LIMCH1: variants seen among roughly 807,000 people sequenced by gnomAD.
LIMCH1 encodes LIM and calponin homology domains 1, also known as LIM and calponin homology domains-containing protein 1.
Under a neutral mutation model 176.5 loss-of-function variants are expected in LIMCH1, and 113 were observed. The ratio of observed to expected loss-of-function variants is 0.64; its 90% CI spans 0.55 to 0.75. The LOEUF is 0.75. Among genes scored for constraint, LIMCH1 ranks in the 30% least tolerant of loss-of-function variants. LIMCH1 has a pLI of 0.00. For synonymous variants in LIMCH1, 619 were observed against 645.9 expected (o/e 0.96, Z 0.63); for missense variants, 1,674 against 1,814.9 (o/e 0.92, Z 1.41).
chr4:41,541,110 CA>C (rs1420090864), intron 1 of LIMCH1, among the ~76,000 whole-genome samples: 2 of 152,226 alleles, frequency 1.3e-5, no homozygotes, highest in Non-Finnish European at 1.5e-5. Flanking sequence ...TAGACGTGGG[CA>C]TTGGATTGAA....
chr4:41,420,858 G>T (rs1011100982), intron 1 of LIMCH1, among the ~76,000 whole-genome samples: 1 of 152,236 alleles, frequency 6.6e-6, no homozygotes, highest in Admixed American at 6.5e-5. Flanking sequence ...GAACGCTGGA[G>T]AAAGCACATT....
intron 1 of LIMCH1, among the ~76,000 whole-genome samples, chr4:41,407,701 C>T (rs1198867772): frequency 6.6e-6 from 1 of 152,162 alleles, no homozygotes; most frequent in African/African-American, 2.4e-5. Flanking sequence ...ACAAACTTCT[C>T]CTATCCCATA....
chr4:41,406,507 T>C (rs57445626), intron 1 of LIMCH1, among the ~76,000 whole-genome samples: 181 of 152,276 alleles, frequency 1.2e-3, no homozygotes, highest in African/African-American at 4.1e-3. Context: ...TGCAAGCAGC[T>C]TCCCCCTCCC....
intron 17 of LIMCH1, among the ~76,000 whole-genome samples, chr4:41,649,666 A>G (rs1053094699): frequency 1.3e-5 from 2 of 151,816 alleles, no homozygotes; most frequent in African/African-American, 4.8e-5. Context: ...TCTCAAAACC[A>G]CTCTACTTTC....
chr4:41,513,420 G>T (rs1037767618), intron 2 of LIMCH1, among the ~76,000 whole-genome samples: 3 of 152,124 alleles, frequency 2.0e-5, no homozygotes, highest in Admixed American at 2.0e-4. Flanking sequence ...AATGTGTGTT[G>T]CCCAAGGGGA....
chr4:41,560,532 C>T (rs916259591), intron 1 of LIMCH1, among the ~76,000 whole-genome samples: 6 of 152,182 alleles, frequency 3.9e-5, no homozygotes, highest in African/African-American at 9.6e-5. Context: ...GTGCTTGCTT[C>T]TCTCTAAGCT....
At chr4:41,673,633 G>T (rs897993236) in intron 22 of LIMCH1, among the ~76,000 whole-genome samples, 2 of 152,142 alleles carry the variant, frequency 1.3e-5, no homozygotes, top group Non-Finnish European at 2.9e-5. Context: ...TCGGGACTAT[G>T]AAAGAAAGGG....
At chr4:41,607,346 A>G (rs1015009548) in intron 4 of LIMCH1, among the ~76,000 whole-genome samples, 1 of 152,234 alleles carries the variant, frequency 6.6e-6, no homozygotes, top group Non-Finnish European at 1.5e-5. Flanking sequence ...TGTATTTATA[A>G]ATGGCCAAAG....
At chr4:41,514,120 G>C (rs1173757655) in intron 2 of LIMCH1, among the ~76,000 whole-genome samples, 1 of 145,256 alleles carries the variant, frequency 6.9e-6, no homozygotes, top group African/African-American at 2.5e-5. Flanking sequence ...CTGATGTTTT[G>C]AGTCCTTCCC....
intron 2 of LIMCH1, among the ~76,000 whole-genome samples, chr4:41,600,033 G>GA (rs937180079): frequency 1.3e-5 from 2 of 151,744 alleles, no homozygotes; most frequent in Admixed American, 6.6e-5. Flanking sequence ...GGAAAAATAG[G>GA]AAAAAAATGA....
chr4:41,469,697 T>TA, intron 1 of LIMCH1, among the ~76,000 whole-genome samples: 1 of 152,168 alleles, frequency 6.6e-6, no homozygotes, highest in Admixed American at 6.5e-5. Flanking sequence ...TTTATTTATT[T>TA]TTGAGATGGA....
At chr4:41,651,193 A>G (rs1441611242) in intron 18 of LIMCH1, among the ~76,000 whole-genome samples, 1 of 151,952 alleles carries the variant, frequency 6.6e-6, no homozygotes, top group Non-Finnish European at 1.5e-5. Context: ...TTTAGTAGAG[A>G]CAGGTTTCAC....
At chr4:41,599,049 T>C (rs1322915752) in intron 2 of LIMCH1, 23 bp downstream of exon 2, 1 of 1,435,890 alleles carries the variant, frequency 7.0e-7, no homozygotes, top group Non-Finnish European at 9.8e-7. Context: ...TGATTTATGT[T>C]TAAGGGAAAC....
Position 41,598,929 on chromosome 4 carries a change from A to G in LIMCH1, c.-231A>G, listed in dbSNP as rs775995444. 1 of 1,600,208 alleles carries G rather than the reference A, an allele frequency of 6.2e-7. No individual in the cohort carries two copies. The highest frequency in any genetic ancestry group is 1.1e-5 in the South Asian group (1 of 90,652). On this transcript the variant is annotated 5_prime_UTR_variant, in exon 2 of 32. Coordinates refer to ENST00000503057, the MANE Select transcript of LIMCH1 (RefSeq NM_001330672.2). ...CTTTTTTTCCTTCTAGGACAATATTATCTTATTCTTGAGAGGTTGTAAAGA... is the reference window on the plus strand; with the variant it reads ...CTTTTTTTCCTTCTAGGACAATATTGTCTTATTCTTGAGAGGTTGTAAAGA...
chr4:41,617,273 AT>A (rs144888400), intron 5 of LIMCH1, among the ~76,000 whole-genome samples: 2,299 of 152,246 alleles, frequency 0.015, 62 homozygotes, highest in African/African-American at 0.052. Context: ...ATCAGGAGAC[AT>A]TTTCCCAAGA....
In LIMCH1 at chr4:41,480,344, C is replaced by G. The variant is rs567628406; in HGVS notation, c.97-14192C>G. On this transcript the variant is annotated intron_variant, in intron 1 of 26. Coordinates refer to the LIMCH1 transcript ENST00000313860. ...CAAGAACTGGCCGGGTGCAGTGGCT[C>G]ACTCCTGTAATCCCAGCACTTTGGG... Among the ~76,000 whole-genome samples, 4 of 152,312 alleles carry G rather than the reference C, an allele frequency of 2.6e-5. No individual in the cohort carries two copies. In the East Asian group the frequency reaches 7.7e-4, roughly 29 times the overall value.
chr4:41,554,511 G>T (rs1481659385), intron 1 of LIMCH1, among the ~76,000 whole-genome samples: 1 of 152,078 alleles, frequency 6.6e-6, no homozygotes, highest in African/African-American at 2.4e-5. Flanking sequence ...TCTAGGTGTG[G>T]TCTAACCAGT....
At chr4:41,436,713 C>G (rs1269555873) in intron 1 of LIMCH1, among the ~76,000 whole-genome samples, 5 of 151,974 alleles carry the variant, frequency 3.3e-5, no homozygotes, top group South Asian at 2.1e-4. Context: ...TCCCAAGGAG[C>G]CTTCGTGTGT....
At chr4:41,479,341 C>A (rs2068210733) in intron 1 of LIMCH1, among the ~76,000 whole-genome samples, 1 of 152,184 alleles carries the variant, frequency 6.6e-6, no homozygotes. Flanking sequence ...CAGCCTCCAA[C>A]TCTTGGCTCA....
Sources: gnomAD v4.1 joint callset for allele counts (sites outside exome capture counted in the v4.1 genomes callset) on GRCh38, gnomAD v4.1.1 for gene constraint, MANE v1.5 for transcripts, NCBI Gene and HGNC (gene_info 2026-07-23, HGNC 2026-07-21) for gene names.